DIAPH3: variants seen among roughly 807,000 people sequenced by gnomAD.
The protein encoded by DIAPH3 is protein diaphanous homolog 3.
Under a neutral mutation model 144.3 loss-of-function variants are expected in DIAPH3, and 117 were observed. The ratio of observed to expected loss-of-function variants is 0.81; its 90% confidence interval spans 0.70 to 0.95. The LOEUF (loss-of-function observed/expected upper bound fraction) is 0.95, where lower values mean the gene tolerates loss of function less well. Ranked by LOEUF, DIAPH3 falls within the 40% of genes least tolerant of loss-of-function variation. The pLI is 0.00. For missense variants in DIAPH3, 1,421 were observed against 1,412.7 expected (o/e 1.01, Z -0.09); for synonymous variants, 519 against 488.9 (o/e 1.06, Z -0.81).
chr13:59,805,669 C>G (rs1305586430), intron 25 of DIAPH3, among the ~76,000 whole-genome samples: 2 of 151,464 alleles, frequency 1.3e-5, no homozygotes, highest in Non-Finnish European at 3.0e-5. Flanking sequence ...TTTAAGAGAC[C>G]TTCAGGTTCA....
intron 3 of DIAPH3, 43 bp from the exon 4 acceptor site, chr13:60,093,775 G>A (rs770781564): frequency 6.9e-6 from 9 of 1,299,456 alleles, no homozygotes; most frequent in African/African-American, 5.8e-5. Context: ...AATCTAAGTA[G>A]AGCAGCAATT....
At chr13:59,727,296 A>G (rs1181499054) in intron 27 of DIAPH3, among the ~76,000 whole-genome samples, 1 of 152,126 alleles carries the variant, frequency 6.6e-6, no homozygotes, top group Non-Finnish European at 1.5e-5. Context: ...ATAGAGCAAA[A>G]AAAAAACAAT....
chr13:60,015,783 A>C (rs1397667935), intron 7 of DIAPH3, 130 bp downstream of exon 7: 2 of 835,056 alleles, frequency 2.4e-6, no homozygotes, highest in East Asian at 5.3e-5. Flanking sequence ...ACTAGAATTC[A>C]ATAAAATTCA....
chr13:59,892,107 T>C (rs900016916), intron 20 of DIAPH3, among the ~76,000 whole-genome samples: 2 of 151,556 alleles, frequency 1.3e-5, no homozygotes, highest in Admixed American at 6.6e-5. Flanking sequence ...GAAAAAGAGA[T>C]AGAAAAACAA....
chr13:59,880,313 C>T (rs182250058), intron 20 of DIAPH3, among the ~76,000 whole-genome samples: 361 of 152,206 alleles, frequency 2.4e-3, no homozygotes, highest in Non-Finnish European at 4.0e-3. Flanking sequence ...TGACCAAACA[C>T]ACTAGGGATT....
chr13:59,674,789 G>GC (rs1346296857), intron 27 of DIAPH3, among the ~76,000 whole-genome samples: 1 of 152,112 alleles, frequency 6.6e-6, no homozygotes, highest in East Asian at 1.9e-4. Flanking sequence ...ACCAACCATG[G>GC]CATCTGTTTA....
At chr13:59,757,392 C>T (rs1451235306) in intron 27 of DIAPH3, among the ~76,000 whole-genome samples, 48 of 93,042 alleles carry the variant, frequency 5.2e-4, no homozygotes, top group Non-Finnish European at 2.6e-4. Flanking sequence ...ATGGGTCATC[C>T]TTTTTTTTTT....
At chr13:59,923,205 G>A (rs893563525) in intron 18 of DIAPH3, among the ~76,000 whole-genome samples, 4 of 152,134 alleles carry the variant, frequency 2.6e-5, no homozygotes, top group African/African-American at 9.7e-5. Context: ...CATTCAGAAA[G>A]AATTCTATTA....
intron 27 of DIAPH3, among the ~76,000 whole-genome samples, chr13:59,719,510 G>T (rs1206165473): frequency 6.6e-6 from 1 of 152,032 alleles, no homozygotes; most frequent in East Asian, 1.9e-4. Context: ...TTCCTTGGTG[G>T]TGACATTCCA....
intron 27 of DIAPH3, among the ~76,000 whole-genome samples, chr13:59,763,786 T>C (rs1397524503): frequency 6.6e-6 from 1 of 152,204 alleles, no homozygotes; most frequent in African/African-American, 2.4e-5. Flanking sequence ...AAGAGGTCCT[T>C]TGTTTTTCCT....
chr13:60,152,327 C>T (rs1233212218), intron 1 of DIAPH3, among the ~76,000 whole-genome samples: 2 of 151,926 alleles, frequency 1.3e-5, no homozygotes, highest in African/African-American at 2.4e-5. Flanking sequence ...TTGGATATAT[C>T]CCACATCCCT....
intron 9 of DIAPH3, among the ~76,000 whole-genome samples, chr13:60,000,398 T>TTA (rs1277044784): frequency 6.6e-6 from 1 of 151,986 alleles, no homozygotes; most frequent in Non-Finnish European, 1.5e-5. Context: ...AAATTTCATG[T>TTA]TATATATATC....
intron 4 of DIAPH3, among the ~76,000 whole-genome samples, chr13:60,045,403 G>C (rs773781796): frequency 1.3e-5 from 2 of 151,862 alleles, no homozygotes; most frequent in African/African-American, 2.4e-5. Flanking sequence ...TATTAGCAGC[G>C]CGAGAAAAAA....
At chr13:59,794,810 A>G (rs1253533870) in intron 25 of DIAPH3, among the ~76,000 whole-genome samples, 2 of 152,174 alleles carry the variant, frequency 1.3e-5, no homozygotes, top group African/African-American at 4.8e-5. Context: ...TGCCCAGCCT[A>G]GTATAAATAT....
At chr13:59,679,869 A>G (rs2138627787) in intron 27 of DIAPH3, among the ~76,000 whole-genome samples, 1 of 152,372 alleles carries the variant, frequency 6.6e-6, no homozygotes, top group Non-Finnish European at 1.5e-5. Context: ...GGTATGGTTT[A>G]TGTTAAAGAC....
chr13:60,137,685 T>C (rs1204164434), intron 1 of DIAPH3, among the ~76,000 whole-genome samples: 13 of 151,968 alleles, frequency 8.6e-5, no homozygotes. Context: ...GAACCAAATA[T>C]GTGGTAGCAT....
intron 4 of DIAPH3, among the ~76,000 whole-genome samples, chr13:60,056,546 T>C (rs1042568222): frequency 2.0e-5 from 3 of 151,790 alleles, no homozygotes; most frequent in African/African-American, 7.2e-5. Context: ...CTAGAAGATA[T>C]ACCATTAAAA....
chr13:60,040,226 CAA>C (rs5803983), intron 5 of DIAPH3, among the ~76,000 whole-genome samples: 44 of 34,832 alleles, frequency 1.3e-3, no homozygotes, highest in African/African-American at 5.8e-3. Context: ...GACTCCATCT[CAA>C]AAAAAAAAAA....
chr13:60,150,325 G>C (rs1020058096), intron 1 of DIAPH3, among the ~76,000 whole-genome samples: 2 of 151,942 alleles, frequency 1.3e-5, no homozygotes, highest in Admixed American at 1.3e-4. Flanking sequence ...GCGCCTGGCC[G>C]CTTTTTCAAT....
Sources: allele counts gnomAD v4.1 joint callset (sites outside exome capture counted in the v4.1 genomes callset), GRCh38; gene constraint gnomAD v4.1.1; transcripts MANE v1.5; gene names NCBI Gene and HGNC (gene_info 2026-07-23, HGNC 2026-07-21).